Variants in SCOC observed in about 807,000 individuals in gnomAD.
The protein encoded by SCOC is short coiled-coil protein.
In SCOC, 7 loss-of-function variants were observed where a neutral mutation model predicts 9.9. The ratio of observed to expected loss-of-function variants is 0.71; its 90% CI spans 0.40 to 1.33. The LOEUF (loss-of-function observed/expected upper bound fraction) is 1.33. Among genes scored for constraint, SCOC ranks in the 40% most tolerant of loss-of-function variants. SCOC has a pLI of 0.01. For synonymous variants in SCOC, 19 were observed against 28.2 expected (o/e 0.67, Z 1.03); for missense variants, 66 against 89.7 (o/e 0.74, Z 1.07).
intron 1 of SCOC, among the ~76,000 whole-genome samples, chr4:140,275,927 G>A (rs1273408528): frequency 6.7e-6 from 1 of 150,070 alleles, no homozygotes; most frequent in Non-Finnish European, 1.5e-5. Context: ...AGGTTCAGAC[G>A]ATTCTTCTGC....
intron 1 of SCOC, among the ~76,000 whole-genome samples, chr4:140,294,225 T>A (rs1731558304): frequency 6.6e-6 from 1 of 152,056 alleles, no homozygotes; most frequent in Non-Finnish European, 1.5e-5. Context: ...TTCCAGTGAG[T>A]CTCTCCAATG....
chr4:140,345,172 T>G (rs1726679308), intron 2 of SCOC, among the ~76,000 whole-genome samples: 1 of 152,132 alleles, frequency 6.6e-6, no homozygotes, highest in Admixed American at 6.5e-5. Flanking sequence ...GCATGGGCGC[T>G]GAAGAACTAG....
Position 140,384,562 on chromosome 4 carries a change from C to T in SCOC, c.*3458C>T, listed in dbSNP as rs1728651898. ...CAGTTAGTAGTTTTCCATCCACTGACCTCATCACTGCTCATTGACTATAAA... is the reference window on the plus strand; with the variant it reads ...CAGTTAGTAGTTTTCCATCCACTGATCTCATCACTGCTCATTGACTATAAA... On this transcript the variant is annotated 3_prime_UTR_variant, in exon 4 of 4. Transcript: ENST00000608372. 1 of 152,200 alleles carries T rather than the reference C, an allele frequency of 6.6e-6. No homozygotes were observed. Among genetic ancestry groups the T allele is most frequent in the Admixed American group, 6.6e-5 (1 of 15,266 alleles). The allele number at this position is 152,200 out of a possible 1,614,324, so 9.4% of individuals were successfully genotyped here.
chr4:140,362,301 T>TCCTCTTCCTCTTCCTCTTCCTCTTCCTC, intron 2 of SCOC, among the ~76,000 whole-genome samples: 8 of 29,406 alleles, frequency 2.7e-4, no homozygotes, highest in South Asian at 1.8e-3. Flanking sequence ...TTCTTCTTCT[T>TCCTCTTCCTCTTCCTCTTCCTCTTCCTC]TTTTTTTTTT....
chr4:140,296,854 T>C (rs1016509003), intron 1 of SCOC, among the ~76,000 whole-genome samples: 2 of 152,208 alleles, frequency 1.3e-5, no homozygotes, highest in Non-Finnish European at 2.9e-5. Flanking sequence ...ACAGTATCTT[T>C]CTGTGGCTGC....
intron 1 of SCOC, among the ~76,000 whole-genome samples, chr4:140,319,165 C>T (rs1732421759): frequency 6.6e-6 from 1 of 152,134 alleles, no homozygotes; most frequent in Non-Finnish European, 1.5e-5. Flanking sequence ...AACCTTGGCT[C>T]ACTGCAACCT....
chr4:140,317,146 T>C (rs1460462892), intron 1 of SCOC, among the ~76,000 whole-genome samples: 1 of 152,188 alleles, frequency 6.6e-6, no homozygotes, highest in East Asian at 1.9e-4. Context: ...CAGGGGACTC[T>C]CTTGTAAGAT....
chr4:140,358,995 G>T (rs1359874421), intron 2 of SCOC, among the ~76,000 whole-genome samples: 18 of 152,154 alleles, frequency 1.2e-4, no homozygotes, highest in African/African-American at 4.3e-4. Context: ...AACATATTTT[G>T]CATTTTCATT....
intron 2 of SCOC, among the ~76,000 whole-genome samples, chr4:140,343,970 G>A (rs1166674448): frequency 1.3e-5 from 2 of 152,172 alleles, no homozygotes; most frequent in East Asian, 3.9e-4. Flanking sequence ...TAAAAGTTCA[G>A]GAAACATGAT....
In SCOC at chr4:140,384,786, G is replaced by C. The variant is rs1728656081; in HGVS notation, c.*3682G>C. 1 of 152,112 alleles carries C rather than the reference G, an allele frequency of 6.6e-6. No individual in the cohort carries two copies. Among genetic ancestry groups the C allele is most frequent in the Non-Finnish European group, 1.5e-5 (1 of 68,016 alleles). The allele number at this position is 152,112 out of a possible 1,614,324, so 9.4% of individuals were successfully genotyped here. ...AAAAATCAGCATACTCCTTGTTATG[G>C]ACTGAATGTGTCCTCCCAAAATTCT... On this transcript the variant is annotated 3_prime_UTR_variant, in exon 4 of 4. Transcript: ENST00000608372.
chr4:140,375,882 T>G (rs561241013), intron 1 of SCOC, among the ~76,000 whole-genome samples: 1 of 152,280 alleles, frequency 6.6e-6, no homozygotes, highest in South Asian at 2.1e-4. Flanking sequence ...GGTAAGGTGG[T>G]TTAGGATAGG....
At chr4:140,325,524 C>G (rs1208776542) in intron 1 of SCOC, among the ~76,000 whole-genome samples, 1 of 151,922 alleles carries the variant, frequency 6.6e-6, no homozygotes, top group African/African-American at 2.4e-5. Flanking sequence ...TACAAACGGG[C>G]AAAATATCTG....
intron 2 of SCOC, among the ~76,000 whole-genome samples, chr4:140,350,457 G>T (rs1438834190): frequency 1.3e-5 from 2 of 152,214 alleles, no homozygotes; most frequent in Non-Finnish European, 2.9e-5. Context: ...GACTCCTAGG[G>T]TTGGTTTTCC....
At chr4:140,302,239 A>G (rs1169046680) in intron 1 of SCOC, among the ~76,000 whole-genome samples, 1 of 152,202 alleles carries the variant, frequency 6.6e-6, no homozygotes, top group Non-Finnish European at 1.5e-5. Flanking sequence ...AGATTATAAA[A>G]CTGTGAGATA....
upstream of SCOC, among the ~76,000 whole-genome samples, chr4:140,341,911 T>C (rs1730055145): frequency 6.6e-6 from 1 of 152,246 alleles, no homozygotes; most frequent in African/African-American, 2.4e-5. Context: ...AAAATTTCTT[T>C]ATTCTGATGA....
chr4:140,302,001 T>C (rs948071741), intron 1 of SCOC, among the ~76,000 whole-genome samples: 2 of 152,076 alleles, frequency 1.3e-5, no homozygotes, highest in African/African-American at 4.8e-5. Flanking sequence ...ACTGGACTAA[T>C]TTTTGTATTT....
chr4:140,274,621 G>A (rs1394138739), intron 1 of SCOC, among the ~76,000 whole-genome samples: 3 of 152,208 alleles, frequency 2.0e-5, no homozygotes, highest in African/African-American at 7.2e-5. Flanking sequence ...AGGGAGAACT[G>A]TATTTAATAT....
At chr4:140,258,343 G>A (rs932641525) in intron 1 of SCOC, among the ~76,000 whole-genome samples, 2 of 152,196 alleles carry the variant, frequency 1.3e-5, no homozygotes, top group Non-Finnish European at 2.9e-5. Flanking sequence ...ACCATTTTCT[G>A]CAGTGTTCCT....
chr4:140,329,054 A>G (rs1214458541), intron 1 of SCOC, among the ~76,000 whole-genome samples: 1 of 152,254 alleles, frequency 6.6e-6, no homozygotes, highest in Non-Finnish European at 1.5e-5. Context: ...AAACTATACT[A>G]TAAGGCCACA....
Sources: allele counts gnomAD v4.1 joint callset (sites outside exome capture counted in the v4.1 genomes callset), GRCh38; gene constraint gnomAD v4.1.1; transcripts MANE v1.5; gene names NCBI Gene and HGNC (gene_info 2026-07-23, HGNC 2026-07-21).